PRPS1: variants seen among roughly 807,000 people sequenced by gnomAD.
The protein encoded by PRPS1 is phosphoribosyl pyrophosphate synthetase 1.
Under a neutral mutation model 16.9 loss-of-function variants are expected in PRPS1, and 1 was observed. The ratio of observed to expected loss-of-function variants is 0.06; its 90% CI spans 0.02 to 0.28. The LOEUF is 0.28. Ranked by LOEUF, PRPS1 falls within the 10% of genes least tolerant of loss-of-function variation. PRPS1 has a pLI of 1.00. For synonymous variants in PRPS1, 70 were observed against 90.2 expected (o/e 0.78, Z 1.27); for missense variants, 47 against 254.0 (o/e 0.19, Z 5.54).
intron 3 of PRPS1, 99 bp from the exon 4 acceptor site, chrX:107,642,267 C>T: frequency 9.1e-7 from 1 of 1,095,569 alleles, no homozygotes; most frequent in Non-Finnish European, 1.3e-6. Context: ...TTGAATGTTG[C>T]AGTAAGACAT....
chrX:107,636,056 C>CAAAA (rs965370775), intron 1 of PRPS1, among the ~76,000 whole-genome samples: 5 of 43,287 alleles, frequency 1.2e-4, no homozygotes, highest in African/African-American at 4.5e-4. Context: ...GAGACTGTCT[C>CAAAA]AAAAAAAAAA....
Position 107,639,086 on chromosome X carries a change from A to G in PRPS1, c.123-209A>G, listed in dbSNP as rs1341824240. 4.5e-5 allele frequency among the ~76,000 whole-genome samples: 5 copies of G among 112,326 alleles called. No individual in the cohort carries two copies. In the East Asian group the frequency reaches 1.4e-3, roughly 31 times the overall value. On this transcript the variant is annotated intron_variant, in intron 1 of 6. Coordinates refer to ENST00000372435, the MANE Select transcript of PRPS1 (RefSeq NM_002764.4). ...GATTACTTATAATACTTAATACAAT[A>G]TAAATACTACGTAAATAGTTGTTAT...
At chrX:107,635,996 G>C (rs1223625993) in intron 1 of PRPS1, among the ~76,000 whole-genome samples, 1 of 102,626 alleles carries the variant, frequency 9.7e-6, no homozygotes, top group Non-Finnish European at 2.0e-5. Flanking sequence ...GGAGGTGGAG[G>C]TCGCAGTGAG....
intron 5 of PRPS1, among the ~76,000 whole-genome samples, chrX:107,646,766 C>A (rs961436272): frequency 2.7e-5 from 3 of 111,857 alleles, no homozygotes; most frequent in African/African-American, 9.8e-5. Context: ...CAATTTTGGC[C>A]AGCCAGAAAA....
intron 6 of PRPS1, among the ~76,000 whole-genome samples, chrX:107,649,528 C>T (rs2147687220): frequency 8.9e-6 from 1 of 112,734 alleles, no homozygotes; most frequent in South Asian, 3.6e-4. Context: ...GATCTTGGCT[C>T]ACCGCAACCT....
At chrX:107,646,016 C>A (rs1363838808) in intron 5 of PRPS1, among the ~76,000 whole-genome samples, 1 of 111,222 alleles carries the variant, frequency 9.0e-6, no homozygotes, top group Non-Finnish European at 1.9e-5. Context: ...GAGGCTCGAT[C>A]CCATCACTCT....
At chrX:107,646,644 G>A (rs1353157014) in intron 5 of PRPS1, among the ~76,000 whole-genome samples, 1 of 112,385 alleles carries the variant, frequency 8.9e-6, no homozygotes, top group African/African-American at 3.2e-5. Flanking sequence ...TCCAATGCAA[G>A]TGTTCTTGTT....
At chrX:107,649,274 A>G (rs1343210066) in intron 6 of PRPS1, among the ~76,000 whole-genome samples, 1 of 110,826 alleles carries the variant, frequency 9.0e-6, no homozygotes, top group Non-Finnish European at 1.9e-5. Flanking sequence ...TATTGTAGAG[A>G]CAGAGTTTCA....
intron 1 of PRPS1, among the ~76,000 whole-genome samples, chrX:107,632,256 G>T (rs1300689535): frequency 1.8e-5 from 2 of 112,157 alleles, no homozygotes; most frequent in African/African-American, 3.2e-5. Flanking sequence ...TTCAATATTT[G>T]TAAATAACTT....
At chrX:107,646,396 G>A (rs930503613) in intron 5 of PRPS1, among the ~76,000 whole-genome samples, 1 of 111,783 alleles carries the variant, frequency 8.9e-6, no homozygotes, top group Non-Finnish European at 1.9e-5. Context: ...GATTTCAGCT[G>A]TGAGCCACAG....
intron 1 of PRPS1, 135 bp downstream of exon 1, chrX:107,628,885 C>A: frequency 1.1e-6 from 1 of 911,329 alleles, no homozygotes; most frequent in Non-Finnish European, 1.5e-6. Context: ...CTAGCCTACC[C>A]CACGGGCTGT....
At chrX:107,639,631 T>C (rs1925526869) in intron 2 of PRPS1, among the ~76,000 whole-genome samples, 153 bp downstream of exon 2, 4 of 112,367 alleles carry the variant, frequency 3.6e-5, no homozygotes, top group Admixed American at 2.8e-4. Context: ...AATAGAAATA[T>C]AATTGGTTTG....
chrX:107,645,406 C>CTAT, intron 5 of PRPS1, 56 bp downstream of exon 5: 1 of 1,189,967 alleles, frequency 8.4e-7, no homozygotes. Context: ...CAATTGCTGT[C>CTAT]TGAATGTCTT....
rs370988546 is a variant in PRPS1, at chrX:107,647,806, T to A, written c.864+41T>A. 9.9e-5 allele frequency: 117 copies of A among 1,183,892 alleles called. No homozygotes were observed. In the African/African-American group the frequency reaches 1.9e-3, roughly 19 times the overall value. On this transcript the variant is annotated intron_variant, in intron 6 of 6. Coordinates refer to ENST00000372435, the MANE Select transcript of PRPS1 (RefSeq NM_002764.4). ...GTGCAAAACAAGACTTTTCTAAGTG[T>A]TTAGGAGGTGGTTACTTACGTTGAA... is the stretch of plus-strand genomic sequence containing the variant.
chrX:107,636,775 G>T (rs768420605), intron 1 of PRPS1: 1 of 112,412 alleles, frequency 8.9e-6, no homozygotes, highest in South Asian at 3.7e-4. Context: ...CAATAGAATT[G>T]CCTCTGCCAG....
Position 107,650,725 on chromosome X carries a change from C to G in PRPS1, c.*693C>G, listed in dbSNP as rs1053513497. 1 of 296,007 alleles carries G rather than the reference C, an allele frequency of 3.4e-6. No individual in the cohort carries two copies. Among genetic ancestry groups the G allele is most frequent in the African/African-American group, 2.8e-5 (1 of 36,064 alleles). The allele number at this position is 296,007 out of a possible 1,213,427, so 24.4% of individuals were successfully genotyped here. ...TCTTGATCCTTTCCTGGCCAAATAT[C>G]CTCTTGGGCCCAAATGAACATTGTA... On this transcript the variant is annotated 3_prime_UTR_variant, in exon 7 of 7. Coordinates refer to ENST00000372435, the MANE Select transcript of PRPS1 (RefSeq NM_002764.4).
intron 1 of PRPS1, among the ~76,000 whole-genome samples, chrX:107,632,193 T>C (rs1488466951): frequency 8.9e-6 from 1 of 112,266 alleles, no homozygotes; most frequent in African/African-American, 3.2e-5. Flanking sequence ...GCTGACAAGA[T>C]CTCTCACCTG....
chrX:107,650,146 A>G lies in PRPS1; in HGVS notation c.*114A>G. The G allele has an allele frequency of 8.6e-7, 1 of 1,164,158 alleles. No homozygotes were observed. Among genetic ancestry groups the G allele is most frequent in the Non-Finnish European group, 1.2e-6 (1 of 864,235 alleles). Reference sequence around the variant, plus strand: ...GGCTTGCTCCAGTGTAGCTTTCTACATCCCACATCAGGTATATTAGAGCTT... The same window carrying G: ...GGCTTGCTCCAGTGTAGCTTTCTACGTCCCACATCAGGTATATTAGAGCTT... On this transcript the variant is annotated 3_prime_UTR_variant, in exon 7 of 7. Transcript: ENST00000372435.
At position 107,650,571 on chromosome X, in the gene PRPS1, G is replaced by A. The variant is rs370453137; in HGVS notation, c.*539G>A. ...GGGTGGGGGGTGGGGGGTGGTTGAG[G>A]GGGGAGGCAGCACAGTGCAGCAAAT... On this transcript the variant is annotated 3_prime_UTR_variant, in exon 7 of 7. Transcript: ENST00000372435. 1.1e-5 allele frequency: 3 copies of A among 277,862 alleles called. No homozygotes were observed. Among genetic ancestry groups the A allele is most frequent in the Admixed American group, 6.0e-5 (1 of 16,624 alleles). The allele number at this position is 277,862 out of a possible 1,213,427, so 22.9% of individuals were successfully genotyped here. A position where few individuals can be genotyped will look rare whatever the true frequency, so the allele number is the denominator to read the frequency against.
Sources: allele counts gnomAD v4.1 joint callset (sites outside exome capture counted in the v4.1 genomes callset), GRCh38; gene constraint gnomAD v4.1.1; transcripts MANE v1.5; gene names NCBI Gene and HGNC (gene_info 2026-07-23, HGNC 2026-07-21).